The following PRDM1 variants were observed in gnomAD, a reference collection of about 807,000 sequenced individuals.
PRDM1 encodes the protein PR domain zinc finger protein 1.
A neutral mutation model predicts 62.8 loss-of-function variants in PRDM1; 13 were observed. The observed-to-expected ratio is 0.21, with a 90% CI of 0.13 to 0.33. The LOEUF is 0.33. PRDM1 is among the 10% of genes least tolerant of loss of function. The pLI is 1.00. For synonymous variants in PRDM1, 396 were observed against 417.6 expected (o/e 0.95, Z 0.63); for missense variants, 895 against 1,058.8 (o/e 0.85, Z 2.15).
upstream of PRDM1, among the ~76,000 whole-genome samples, chr6:106,048,489 G>A (rs1773114712): frequency 6.6e-6 from 1 of 152,202 alleles, no homozygotes; most frequent in Middle Eastern, 3.2e-3. Context: ...GATGTCAACA[G>A]CTTAGTTCTG....
At chr6:106,098,549 G>T in intron 3 of PRDM1, 1 of 1,281,704 alleles carries the variant, frequency 7.8e-7, no homozygotes, top group Non-Finnish European at 1.0e-6. Context: ...TCCCAGATAA[G>T]GGGTTCCCTT....
chr6:106,039,314 G>A (rs1439435231), intron 1 of PRDM1, among the ~76,000 whole-genome samples: 2 of 152,048 alleles, frequency 1.3e-5, no homozygotes, highest in Non-Finnish European at 2.9e-5. Context: ...TTGTGTATAT[G>A]GATTTTATTA....
chr6:106,102,142 C>T (rs532513516), intron 4 of PRDM1, among the ~76,000 whole-genome samples: 2 of 152,276 alleles, frequency 1.3e-5, no homozygotes, highest in Non-Finnish European at 2.9e-5. Context: ...TATTATAGAT[C>T]GAAAATGTGA....
At chr6:106,039,633 G>C (rs1298843668) in intron 1 of PRDM1, among the ~76,000 whole-genome samples, 1 of 152,058 alleles carries the variant, frequency 6.6e-6, no homozygotes, top group Non-Finnish European at 1.5e-5. Context: ...TAGGCCACCT[G>C]GAATTAGCTT....
intron 1 of PRDM1, among the ~76,000 whole-genome samples, chr6:106,051,631 C>T (rs1278589247): frequency 6.6e-6 from 1 of 152,176 alleles, no homozygotes; most frequent in Non-Finnish European, 1.5e-5. Context: ...GCTGGCATAA[C>T]TTTCCTTTCC....
rs1424154550 is a variant in PRDM1 at position 106,104,985 on chromosome 6, A to G, written c.825A>G (p.Thr275=). 1 of 1,614,070 alleles carries G rather than the reference A, an allele frequency of 6.2e-7. No individual in the cohort carries two copies. The highest frequency in any genetic ancestry group is 8.5e-7 in the Non-Finnish European group (1 of 1,180,010). The part of the protein sequence containing the change: ...DLYRSNISPL[T]SEKDLDDFRR... ...ACCGTTCTAACATTTCACCCCTCAC[A>G]TCAGAAAAGGACCTCGATGACTTTA... Residue 275 remains threonine, a synonymous_variant, in exon 5 of 7, where the codon ACA becomes ACG. Coordinates refer to ENST00000369096, the MANE Select transcript of PRDM1 (RefSeq NM_001198.4).
At chr6:106,077,130 C>G (rs1773616129) in intron 1 of PRDM1, among the ~76,000 whole-genome samples, 1 of 152,128 alleles carries the variant, frequency 6.6e-6, no homozygotes, top group Non-Finnish European at 1.5e-5. Flanking sequence ...TTTTTGAAGT[C>G]CCATAAACAA....
At chr6:106,055,010 T>A (rs749312720) in intron 1 of PRDM1, among the ~76,000 whole-genome samples, 4 of 152,224 alleles carry the variant, frequency 2.6e-5, no homozygotes, top group Non-Finnish European at 4.4e-5. Flanking sequence ...GTTTATAATT[T>A]GGAACAAAAT....
upstream of PRDM1, among the ~76,000 whole-genome samples, chr6:106,082,275 T>C (rs1330260924): frequency 6.6e-6 from 1 of 152,184 alleles, no homozygotes; most frequent in Non-Finnish European, 1.5e-5. Flanking sequence ...CTTCTCCTGT[T>C]CTTTCCCACA....
At chr6:106,014,559 G>A (rs4946716) in intron 1 of PRDM1, among the ~76,000 whole-genome samples, 1 of 151,572 alleles carries the variant, frequency 6.6e-6, no homozygotes, top group Non-Finnish European at 1.5e-5. Flanking sequence ...TATGATCTAC[G>A]TTTAATCTAT....
chr6:106,010,780 C>T (rs1772535542), intron 1 of PRDM1, among the ~76,000 whole-genome samples: 3 of 152,180 alleles, frequency 2.0e-5, no homozygotes, highest in Non-Finnish European at 4.4e-5. Context: ...CATTTGTTAA[C>T]TGCACAACTC....
intron 1 of PRDM1, among the ~76,000 whole-genome samples, chr6:106,070,087 A>G (rs1773487032): frequency 6.6e-6 from 1 of 152,150 alleles, no homozygotes; most frequent in South Asian, 2.1e-4. Flanking sequence ...CAATCTTCAA[A>G]GGCTGTTACA....
At chr6:106,006,702 T>C (rs1343499500) in intron 1 of PRDM1, among the ~76,000 whole-genome samples, 1 of 151,898 alleles carries the variant, frequency 6.6e-6, no homozygotes, top group Admixed American at 6.6e-5. Flanking sequence ...CTTTCCAGTT[T>C]TTTGAGGTGA....
intron 4 of PRDM1, among the ~76,000 whole-genome samples, chr6:106,102,622 A>C (rs1352525430): frequency 6.6e-6 from 1 of 152,248 alleles, no homozygotes; most frequent in Non-Finnish European, 1.5e-5. Context: ...TAAGGTACTT[A>C]AGAAGAATCC....
chr6:106,098,600 T>A (rs1459934265), intron 3 of PRDM1: 1 of 1,313,784 alleles, frequency 7.6e-7, no homozygotes, highest in Admixed American at 2.3e-5. Flanking sequence ...TCTGGACATG[T>A]TTATCAAGAG....
chr6:106,072,075 T>G (rs1180805937), intron 1 of PRDM1: 1 of 152,250 alleles, frequency 6.6e-6, no homozygotes, highest in Non-Finnish European at 1.5e-5. Flanking sequence ...CATATTTTAA[T>G]GACCTACTAT....
In PRDM1 at chr6:106,086,500, C is replaced by CG. The variant is rs1746207217; in HGVS notation, c.-49dup. On this transcript the variant is annotated 5_prime_UTR_variant, in exon 1 of 7. Transcript: ENST00000369096. Reference sequence around the variant, plus strand: ...TGCGCGTCTGTGCGGCTCAGCCTGGCGGGGGACGCGGGGAGAATGTGGACT... The same window carrying CG: ...TGCGCGTCTGTGCGGCTCAGCCTGGCGGGGGGACGCGGGGAGAATGTGGACT... 2 of 1,511,626 alleles carry CG rather than the reference C, an allele frequency of 1.3e-6. No homozygotes were observed. The highest frequency in any genetic ancestry group is 2.4e-5 in the South Asian group (2 of 82,104). The allele number at this position is 1,511,626 out of a possible 1,614,324, so 93.6% of individuals were successfully genotyped here. A position where few individuals can be genotyped will look rare whatever the true frequency, so the allele number is the denominator to read the frequency against.
chr6:106,050,071 G>A (rs1773148502), intron 1 of PRDM1, among the ~76,000 whole-genome samples: 1 of 152,152 alleles, frequency 6.6e-6, no homozygotes. Context: ...GAACTCCAAT[G>A]CTGGTGTGAT....
upstream of PRDM1, among the ~76,000 whole-genome samples, chr6:106,048,216 CAAA>C (rs71006668): frequency 2.7e-5 from 3 of 110,210 alleles, no homozygotes; most frequent in Non-Finnish European, 3.6e-5. Flanking sequence ...CCATCTCTAC[CAAA>C]AAAAAAAAAA....
Sources: allele counts gnomAD v4.1 joint callset (sites outside exome capture counted in the v4.1 genomes callset), GRCh38; gene constraint gnomAD v4.1.1; transcripts MANE v1.5; gene names NCBI Gene and HGNC (gene_info 2026-07-23, HGNC 2026-07-21).